The following RGL4 variants were observed in gnomAD, a reference collection of about 807,000 sequenced individuals.
RGL4 encodes ral guanine nucleotide dissociation stimulator like 4, also known as ral-GDS-related protein.
In RGL4, 41 loss-of-function variants were observed where a neutral mutation model predicts 49.6. The ratio of observed to expected loss-of-function variants is 0.83; its 90% CI spans 0.64 to 1.07. The LOEUF (loss-of-function observed/expected upper bound fraction) is 1.07. Ranked by LOEUF, RGL4 falls within the 50% of genes least tolerant of loss-of-function variation. The pLI is 0.00. For synonymous variants in RGL4, 255 were observed against 238.0 expected, an observed-to-expected ratio of 1.07 and a Z score of -0.66; for missense variants, 610 against 591.9, an observed-to-expected ratio of 1.03 and a Z score of -0.32.
At chr22:23,696,735 G>C (rs759755027) in intron 7 of RGL4, 47 bp downstream of exon 7, 21 of 1,544,826 alleles carry the variant, frequency 1.4e-5, no homozygotes, top group Admixed American at 1.8e-5. Context: ...TCAGAGGACA[G>C]GGCTCCCTTC....
chr22:23,692,649 G>A lies in RGL4; in HGVS notation c.374-20G>A. On this transcript the variant is annotated intron_variant, in intron 2 of 10. Transcript: ENST00000290691. ...CCCAGTGAAAAATGACTGGTGTGGT[G>A]ACCTTTTCTCCTTTTCCAGATCCTG... The A allele has an allele frequency of 6.3e-7, 1 of 1,579,556 alleles. No homozygotes were observed. Among genetic ancestry groups the A allele is most frequent in the Non-Finnish European group, 8.6e-7 (1 of 1,159,934 alleles).
In RGL4 at chr22:23,698,811, T is replaced by C. The variant is rs757981305; in HGVS notation, c.1383-33T>C. ...GACAGGGGACCTGATGTGTGGCTCA[T>C]GGTGGCCTCACAGCTGCTTCTCTGT... On this transcript the variant is annotated intron_variant, in intron 10 of 10. Coordinates refer to ENST00000290691, the MANE Select transcript of RGL4 (RefSeq NM_153615.2). The C allele has an allele frequency of 9.4e-6, 15 of 1,596,384 alleles. No individual in the cohort carries two copies. In the South Asian group the frequency reaches 1.0e-4, roughly 11 times the overall value.
chr22:23,697,043 G>C (rs1176335927), intron 7 of RGL4, 128 bp from the exon 8 acceptor site: 1 of 745,820 alleles, frequency 1.3e-6, no homozygotes, highest in East Asian at 2.5e-5. Context: ...CCAACCGGGA[G>C]ACCTGAGGAG....
intron 4 of RGL4, 168 bp downstream of exon 4, chr22:23,694,142 G>A (rs1358624049): frequency 1.4e-6 from 1 of 728,852 alleles, no homozygotes; most frequent in African/African-American, 1.8e-5. Flanking sequence ...GCCCAGTGGT[G>A]GCTGCTCACT....
intron 6 of RGL4, 31 bp from the exon 7 acceptor site, chr22:23,696,583 C>T: frequency 6.2e-7 from 1 of 1,612,910 alleles, no homozygotes; most frequent in Non-Finnish European, 8.5e-7. Flanking sequence ...AGGAGGAGAG[C>T]CTCACTGTCC....
At position 23,698,880 on chromosome 22, in the gene RGL4, G is replaced by C; in HGVS notation, c.1419G>C (p.Pro473=). ...KLSCQLEPEN[P] Reference sequence around the variant, plus strand: ...CCTGCCAGCTGGAGCCCGAAAACCCGTAGGCTGGCAACATCCTGCAGTGGC... The same window carrying C: ...CCTGCCAGCTGGAGCCCGAAAACCCCTAGGCTGGCAACATCCTGCAGTGGC... The change falls in exon 11 of 11, where the codon CCG becomes CCC. Residue 473 remains proline, a synonymous_variant. Coordinates refer to ENST00000290691, the MANE Select transcript of RGL4 (RefSeq NM_153615.2). The C allele has an allele frequency of 6.2e-7, 1 of 1,612,862 alleles. No homozygotes were observed. The highest frequency in any genetic ancestry group is 8.5e-7 in the Non-Finnish European group (1 of 1,179,564).
In RGL4 at chr22:23,692,682, T is replaced by A. The variant is rs1923213831; in HGVS notation, c.387T>A (p.Arg129=). Residue 129 remains arginine (R), a synonymous_variant, in exon 3 of 11, where the codon CGT becomes CGA. Coordinates refer to ENST00000290691, the MANE Select transcript of RGL4 (RefSeq NM_153615.2). ...NEAKPDDPAP[R]PGQHALTMPA... is the part of the protein sequence containing the mutation. ...CTCCTTTTCCAGATCCTGCTCCACG[T>A]CCTGGGCAACACGCATTAACAATGC... is the stretch of plus-strand genomic sequence containing the variant. 6.2e-7 allele frequency: 1 copy of A among 1,601,312 alleles called. No individual in the cohort carries two copies. The highest frequency in any genetic ancestry group is 1.3e-5 in the African/African-American group (1 of 74,808).
At chr22:23,696,234 G>A in intron 6 of RGL4, 2 of 1,070,262 alleles carry the variant, frequency 1.9e-6, no homozygotes, top group Middle Eastern at 2.6e-4. Context: ...GAAAATGAAG[G>A]GATGCTGAGC....
At position 23,693,837 on chromosome 22, in the gene RGL4, A is replaced by G; in HGVS notation, c.775A>G (p.Met259Val). The change falls in exon 4 of 11, where the codon ATG becomes GTG. Residue 259 changes from methionine to valine, a missense_variant. Transcript: ENST00000290691. ...AGGACATCTGAAGGGGAATGAGCAC[A>G]TGGCACCCACAGTTCGTGCCACCAT... ...GQGHLKGNEH[M>V]APTVRATIAH... 6.2e-7 allele frequency: 1 copy of G among 1,614,064 alleles called. No homozygotes were observed. The highest frequency in any genetic ancestry group is 8.5e-7 in the Non-Finnish European group (1 of 1,180,020).
chr22:23,695,051 T>A (rs1258628954), intron 6 of RGL4, 32 bp downstream of exon 6: 2 of 1,490,516 alleles, frequency 1.3e-6, no homozygotes, highest in Admixed American at 3.3e-5. Context: ...GCAGGACAAG[T>A]GTTTAAGGGT....
Position 23,698,570 on chromosome 22 carries a change from G to C in RGL4, c.1382+237G>C, listed in dbSNP as rs998577371. ...TCTGGTACAGATGGGGTTTCACGAT[G>C]ATGTCCAGGATCGTCTCAAACTCCT... is the stretch of plus-strand genomic sequence containing the variant. On this transcript the variant is annotated intron_variant, in intron 10 of 10. Transcript: ENST00000290691. 4 of 718,404 alleles carry C rather than the reference G, an allele frequency of 5.6e-6. No individual in the cohort carries two copies. In the African/African-American group the frequency reaches 6.9e-5, roughly 12 times the overall value. The allele number at this position is 718,404 out of a possible 1,614,324, so 44.5% of individuals were successfully genotyped here. A position where few individuals can be genotyped will look rare whatever the true frequency, so the allele number is the denominator to read the frequency against.
In RGL4 at chr22:23,696,613, G is replaced by C. The variant is rs1182776695; in HGVS notation, c.1087-1G>C. ...CTGTCCCTGTCGCTGACACCTGGCA[G>C]GCGGGGAGCTTTAAGGTGGCCACCC... On this transcript the variant is annotated splice_acceptor_variant, in intron 6 of 10. Coordinates refer to ENST00000290691, the MANE Select transcript of RGL4 (RefSeq NM_153615.2). LOFTEE classifies it high-confidence loss of function. The C allele has an allele frequency of 1.2e-6, 2 of 1,613,736 alleles. No homozygotes were observed. The highest frequency in any genetic ancestry group is 1.1e-5 in the South Asian group (1 of 91,084).
rs1269490989 is a variant in RGL4 at position 23,694,453 on chromosome 22, G to A, written c.1016+3G>A. On this transcript the variant is annotated splice_donor_region_variant and intron_variant, in intron 5 of 10. Coordinates refer to ENST00000290691, the MANE Select transcript of RGL4 (RefSeq NM_153615.2). ...AAGACGTGGGCAGGAGTGTCCAGGT[G>A]AGGAGGGCTCTCTCCATGGCAGCAT... The A allele has an allele frequency of 1.9e-6, 3 of 1,601,892 alleles. No homozygotes were observed. Among genetic ancestry groups the A allele is most frequent in the South Asian group, 2.2e-5 (2 of 90,734 alleles).
In RGL4 at chr22:23,692,787, A is replaced by G. The variant is rs763417499; in HGVS notation, c.492A>G (p.Pro164=). 1.2e-6 allele frequency: 2 copies of G among 1,613,530 alleles called. No individual in the cohort carries two copies. The highest frequency in any genetic ancestry group is 1.7e-6 in the Non-Finnish European group (2 of 1,179,992). Residue 164 remains proline, a synonymous_variant, in exon 3 of 11, where the codon CCA becomes CCG. Transcript: ENST00000290691. ...LEPESPAALG[P]PGYLHSAPGP... ...CAGAGTCACCTGCAGCCCTGGGTCCACCAGGATATCTACATTCAGCACCAG... is the reference window on the plus strand; with the variant it reads ...CAGAGTCACCTGCAGCCCTGGGTCCGCCAGGATATCTACATTCAGCACCAG...
chr22:23,692,611 T>C, intron 2 of RGL4, 58 bp from the exon 3 acceptor site: 1 of 1,575,282 alleles, frequency 6.3e-7, no homozygotes, highest in Non-Finnish European at 8.6e-7. Context: ...CGGTCATTTC[T>C]GTGCTTGGAA....
At position 23,691,974 on chromosome 22, in the gene RGL4, G is replaced by A. The variant is rs111766189; in HGVS notation, c.-57G>A. 1.3e-4 allele frequency: 200 copies of A among 1,571,482 alleles called. 1 individual carries two copies. In the African/African-American group the frequency reaches 2.2e-3, roughly 18 times the overall value. On this transcript the variant is annotated 5_prime_UTR_variant, in exon 1 of 11. Transcript: ENST00000290691. Reference sequence around the variant, plus strand: ...CAGCTCTCCCTGTCCTCCTCCCCCCGACATCTGCCCCTTCCCTCCTAACCC... The same window carrying A: ...CAGCTCTCCCTGTCCTCCTCCCCCCAACATCTGCCCCTTCCCTCCTAACCC...
chr22:23,697,047 T>C (rs1473788587), intron 7 of RGL4, 124 bp from the exon 8 acceptor site: 13 of 765,032 alleles, frequency 1.7e-5, no homozygotes, highest in South Asian at 3.4e-5. Context: ...CCGGGAGACC[T>C]GAGGAGGGGG....
chr22:23,693,318 C>G (rs1923260997), intron 3 of RGL4: 2 of 460,150 alleles, frequency 4.3e-6, no homozygotes, highest in Non-Finnish European at 4.0e-6. Flanking sequence ...CTACCCTCAG[C>G]ACTTATTAGG....
intron 4 of RGL4, 133 bp from the exon 5 acceptor site, chr22:23,694,214 G>A (rs931928625): frequency 1.3e-6 from 1 of 778,076 alleles, no homozygotes; most frequent in Non-Finnish European, 2.2e-6. Flanking sequence ...CATCCACTCG[G>A]CCCCAGGTCT....
Sources: gnomAD v4.1 joint callset for allele counts on GRCh38, gnomAD v4.1.1 for gene constraint, MANE v1.5 for transcripts, NCBI Gene and HGNC (gene_info 2026-07-23, HGNC 2026-07-21) for gene names.